Variants in STEAP4 observed in about 807,000 individuals in gnomAD.
The protein encoded by STEAP4 is metalloreductase STEAP4.
Under a neutral mutation model 43.6 loss-of-function variants are expected in STEAP4, and 36 were observed. The ratio of observed to expected loss-of-function variants is 0.83; its 90% CI spans 0.63 to 1.09. STEAP4 has a LOEUF of 1.09. STEAP4 is among the 50% of genes least tolerant of loss of function. The pLI is 0.00. For synonymous variants in STEAP4, 191 were observed against 196.7 expected (o/e 0.97, Z 0.24); for missense variants, 495 against 546.5 (o/e 0.91, Z 0.94).
intron 1 of STEAP4, among the ~76,000 whole-genome samples, 170 bp from the exon 2 acceptor site, chr7:88,284,441 C>T (rs867462303): frequency 4.6e-5 from 7 of 152,198 alleles, no homozygotes; most frequent in Non-Finnish European, 7.4e-5. Flanking sequence ...ATATTTCCCC[C>T]CAAATTTGGA....
rs1452158223 is a variant in STEAP4, at chr7:88,279,633, A to G, written c.1150-5T>C. ...GGTCAAATAACCCAGTTTGGACTAT[A>G]AACAAGAAACAAAAATATGTAAGTT... On this transcript the variant is annotated splice_polypyrimidine_tract_variant and splice_region_variant and intron_variant, in intron 4 of 4. Coordinates refer to ENST00000380079, the MANE Select transcript of STEAP4 (RefSeq NM_024636.4). 2 of 1,597,010 alleles carry G rather than the reference A, an allele frequency of 1.3e-6. No homozygotes were observed. The highest frequency in any genetic ancestry group is 1.7e-6 in the Non-Finnish European group (2 of 1,169,278).
chr7:88,287,798 C>A (rs1054909470), intron 1 of STEAP4, among the ~76,000 whole-genome samples: 2 of 152,188 alleles, frequency 1.3e-5, no homozygotes, highest in African/African-American at 4.8e-5. Flanking sequence ...GGCTGCATGA[C>A]CCCTAAAATG....
At position 88,290,020 on chromosome 7, in the gene STEAP4, T is replaced by C. The variant is rs1852810308; in HGVS notation, c.-2-5749A>G. Among the ~76,000 whole-genome samples, 6 of 152,318 alleles carry C rather than the reference T, an allele frequency of 3.9e-5. No homozygotes were observed. In the South Asian group the frequency reaches 1.2e-3, roughly 32 times the overall value. ...TGCCTATCTCCTCACTTAAAAAAAT[T>C]ATTTTATCCTAATATTTTTATTCTC... is the stretch of plus-strand genomic sequence containing the variant. On this transcript the variant is annotated intron_variant, in intron 1 of 4. Coordinates refer to ENST00000380079, the MANE Select transcript of STEAP4 (RefSeq NM_024636.4).
chr7:88,299,759 T>A (rs916938472), intron 1 of STEAP4, among the ~76,000 whole-genome samples: 1 of 152,252 alleles, frequency 6.6e-6, no homozygotes, highest in Admixed American at 6.5e-5. Context: ...TTAAGGCCAA[T>A]AGGAATTATC....
chr7:88,299,704 C>T (rs909816624), intron 1 of STEAP4, among the ~76,000 whole-genome samples: 1 of 152,180 alleles, frequency 6.6e-6, no homozygotes, highest in African/African-American at 2.4e-5. Flanking sequence ...TTTGAATTAA[C>T]TTTGTTCAAA....
intron 1 of STEAP4, among the ~76,000 whole-genome samples, chr7:88,298,829 C>A (rs1247000018): frequency 1.3e-5 from 2 of 152,038 alleles, no homozygotes; most frequent in African/African-American, 2.4e-5. Flanking sequence ...CTGATTATTT[C>A]AATTGTTTTG....
Position 88,276,288 on chromosome 7 carries a change from A to G in STEAP4, c.*3110T>C, listed in dbSNP as rs555821947. On this transcript the variant is annotated 3_prime_UTR_variant, in exon 5 of 5. Transcript: ENST00000380079. ...GATCTGTTAATGCACTTTCAAACCC[A>G]TGCACTGCCTTCTCTTTTGCTTATC... 6.6e-6 allele frequency: 1 copy of G among 152,164 alleles called. No homozygotes were observed. The highest frequency in any genetic ancestry group is 1.5e-5 in the Non-Finnish European group (1 of 68,040). 9.4% of individuals were successfully genotyped at this position (152,164 alleles called of 1,614,324 possible). A position where few individuals can be genotyped will look rare whatever the true frequency, so the allele number is the denominator to read the frequency against.
At chr7:88,282,124 G>A (rs1852629719) in intron 3 of STEAP4, 1 of 153,012 alleles carries the variant, frequency 6.5e-6, no homozygotes, top group African/African-American at 2.4e-5. Flanking sequence ...AAGCGAACCT[G>A]GAAAGTATCA....
chr7:88,281,562 G>A (rs1004918182), intron 3 of STEAP4: 1 of 152,286 alleles, frequency 6.6e-6, no homozygotes, highest in African/African-American at 2.4e-5. Context: ...GACACTTGTA[G>A]TGTGACTCTT....
intron 1 of STEAP4, among the ~76,000 whole-genome samples, chr7:88,291,358 A>G (rs1002441968): frequency 3.3e-5 from 5 of 151,936 alleles, no homozygotes; most frequent in African/African-American, 1.2e-4. Flanking sequence ...GTGGTGGAAC[A>G]CACTTGTAAT....
intron 1 of STEAP4, among the ~76,000 whole-genome samples, chr7:88,289,924 C>T (rs1852808242): frequency 6.6e-6 from 1 of 152,198 alleles, no homozygotes; most frequent in South Asian, 2.1e-4. Context: ...TAAATCAAAC[C>T]TTCAAACTGC....
At chr7:88,285,687 G>A (rs1311664159) in intron 1 of STEAP4, among the ~76,000 whole-genome samples, 2 of 148,580 alleles carry the variant, frequency 1.3e-5, no homozygotes, top group African/African-American at 2.5e-5. Context: ...GTGTTGACAC[G>A]CGCCTGTAAT....
intron 1 of STEAP4, among the ~76,000 whole-genome samples, chr7:88,289,600 C>T (rs1191282480): frequency 4.6e-5 from 7 of 152,126 alleles, no homozygotes; most frequent in Non-Finnish European, 8.8e-5. Flanking sequence ...AGCATTTAGG[C>T]CTTTGTAGGG....
At chr7:88,290,441 C>G (rs1852816788) in intron 1 of STEAP4, 1 of 152,118 alleles carries the variant, frequency 6.6e-6, no homozygotes, top group Non-Finnish European at 1.5e-5. Context: ...AGACAAAAAA[C>G]TCCGTATCTG....
At chr7:88,298,683 T>C (rs927129340) in intron 1 of STEAP4, among the ~76,000 whole-genome samples, 4 of 152,208 alleles carry the variant, frequency 2.6e-5, no homozygotes, top group African/African-American at 9.6e-5. Context: ...TGTAGCATGA[T>C]AAATCATCAA....
chr7:88,306,285 C>A (rs140426566), intron 1 of STEAP4, among the ~76,000 whole-genome samples: 109 of 152,322 alleles, frequency 7.2e-4, no homozygotes, highest in Non-Finnish European at 1.4e-3. Context: ...TTACTCTTCA[C>A]AATAAATTAT....
In STEAP4 at chr7:88,271,546, A is replaced by T. The variant is rs1001735066; in HGVS notation, c.*7852T>A. ...TCTGTGAAAGCATCATAGTTTCCTT[A>T]ACCAGTCCCAAAGATGAATGCTTGA... On this transcript the variant is annotated 3_prime_UTR_variant, in exon 5 of 5. Coordinates refer to ENST00000380079, the MANE Select transcript of STEAP4 (RefSeq NM_024636.4). 1 of 152,348 alleles carries T rather than the reference A, an allele frequency of 6.6e-6. No homozygotes were observed. Among genetic ancestry groups the T allele is most frequent in the Non-Finnish European group, 1.5e-5 (1 of 68,030 alleles). The allele number at this position is 152,348 out of a possible 1,614,324, so 9.4% of individuals were successfully genotyped here. A position where few individuals can be genotyped will look rare whatever the true frequency, so the allele number is the denominator to read the frequency against.
chr7:88,297,490 T>C (rs1203870551), intron 1 of STEAP4, among the ~76,000 whole-genome samples: 8 of 152,106 alleles, frequency 5.3e-5, no homozygotes, highest in African/African-American at 1.9e-4. Flanking sequence ...ATTTAGCAAA[T>C]AAAAATACAT....
intron 1 of STEAP4, among the ~76,000 whole-genome samples, chr7:88,296,819 C>T (rs1482584594): frequency 6.6e-6 from 1 of 152,068 alleles, no homozygotes; most frequent in African/African-American, 2.4e-5. Context: ...TCACATTCAA[C>T]TACATATTCT....
Sources: gnomAD v4.1 joint callset for allele counts (sites outside exome capture counted in the v4.1 genomes callset) on GRCh38, gnomAD v4.1.1 for gene constraint, MANE v1.5 for transcripts, NCBI Gene and HGNC (gene_info 2026-07-23, HGNC 2026-07-21) for gene names.